Variants in ANK2 observed in about 807,000 individuals in gnomAD.
ANK2 encodes the protein ankyrin 2.
In ANK2, 83 loss-of-function variants were observed where a neutral mutation model predicts 360.5. The ratio of observed to expected loss-of-function variants is 0.23; its 90% CI spans 0.19 to 0.28. The LOEUF is 0.28. Among genes scored for constraint, ANK2 ranks in the 10% least tolerant of loss-of-function variants. The pLI is 1.00. For synonymous variants in ANK2, 1,740 were observed against 1,759.5 expected (o/e 0.99, Z 0.28); for missense variants, 4,201 against 4,795.7 (o/e 0.88, Z 3.66).
At position 113,374,782 on chromosome 4, in the gene ANK2, A is replaced by C. The variant is rs963430064; in HGVS notation, c.11859+1333A>C. 8.7e-6 allele frequency: 10 copies of C among 1,146,128 alleles called. No individual in the cohort carries two copies. In the African/African-American group the frequency reaches 1.1e-4, roughly 13 times the overall value. 71.0% of individuals were successfully genotyped at this position (1,146,128 alleles called of 1,614,324 possible). A position where few individuals can be genotyped will look rare whatever the true frequency, so the allele number is the denominator to read the frequency against. Reference sequence around the variant, plus strand: ...TCATTAGGTCACTTTGTGTGAGCCCAGCATTTTGTCCAGTACCTCACAATT... The same window carrying C: ...TCATTAGGTCACTTTGTGTGAGCCCCGCATTTTGTCCAGTACCTCACAATT... On this transcript the variant is annotated intron_variant, in intron 45 of 45. Transcript: ENST00000357077.
At chr4:112,738,991 T>C in the ANK2 span, 1 of 678,502 alleles carries the variant, frequency 1.5e-6, no homozygotes, top group Non-Finnish European at 2.6e-6. Context: ...AATCTTACTG[T>C]GCTGAGGTCG....
intron 1 of ANK2, chr4:113,071,953 G>A (rs1170992366): frequency 6.6e-6 from 1 of 152,224 alleles, no homozygotes; most frequent in Non-Finnish European, 1.5e-5. Flanking sequence ...CTGTGAAAGG[G>A]GGATGCCCCT....
Position 113,358,701 on chromosome 4 carries a change from CT to C in ANK2, c.10084del (p.Ser3362GlnfsTer3). 6.2e-7 allele frequency: 1 copy of C among 1,614,072 alleles called. No homozygotes were observed. The highest frequency in any genetic ancestry group is 8.5e-7 in the Non-Finnish European group (1 of 1,179,970). On this transcript the variant is annotated frameshift_variant, in exon 38 of 46. Coordinates refer to ENST00000357077, the MANE Select transcript of ANK2 (RefSeq NM_001148.6). LOFTEE classifies it high-confidence loss of function. ...CCCTCCAAAGAGTTGAACAGCAGCT[CT>C]CAGATCTAGACACCTCTGTCCAGAA... ...VPLQRVEQQL[S>X]DLDTSVQKTV...
At chr4:112,817,822 C>T (rs2055810095), upstream of ANK2, among the ~76,000 whole-genome samples, 1 of 152,092 alleles carries the variant, frequency 6.6e-6, no homozygotes, top group Admixed American at 6.6e-5. Flanking sequence ...AGTTACTTCC[C>T]ATATATCTGA....
At chr4:112,964,235 C>G (rs1043612043) in intron 2 of ANK2, among the ~76,000 whole-genome samples, 26 of 151,002 alleles carry the variant, frequency 1.7e-4, no homozygotes, top group African/African-American at 5.4e-4. Flanking sequence ...GTGTCACAAA[C>G]AATCCAAATA....
intron 18 of ANK2, among the ~76,000 whole-genome samples, chr4:113,286,429 A>G (rs2064631549): frequency 6.6e-6 from 1 of 152,222 alleles, no homozygotes; most frequent in African/African-American, 2.4e-5. Flanking sequence ...CTCACGTTGT[A>G]GAATGGTTTT....
At chr4:112,864,798 C>G (rs533707185) in intron 1 of ANK2, among the ~76,000 whole-genome samples, 1 of 150,202 alleles carries the variant, frequency 6.7e-6, no homozygotes, top group South Asian at 2.1e-4. Context: ...TTTGGGAGGC[C>G]GAGGCGGGCG....
intron 1 of ANK2, among the ~76,000 whole-genome samples, chr4:113,060,759 G>A (rs1264945338): frequency 7.4e-6 from 1 of 134,666 alleles, no homozygotes; most frequent in African/African-American, 2.8e-5. Flanking sequence ...TTTTTATGTA[G>A]TTGTTGACTA....
chr4:112,974,768 C>G (rs1011539000), intron 2 of ANK2, among the ~76,000 whole-genome samples: 7 of 151,510 alleles, frequency 4.6e-5, no homozygotes, highest in Admixed American at 6.6e-5. Context: ...AACTTGCATT[C>G]TTCATAGAAA....
chr4:113,325,027 G>A (rs905512675), intron 26 of ANK2, among the ~76,000 whole-genome samples: 2 of 152,090 alleles, frequency 1.3e-5, no homozygotes, highest in Admixed American at 6.5e-5. Context: ...CATAATAATG[G>A]TTGCTTTTGC....
chr4:113,229,484 A>G (rs536483331), intron 4 of ANK2, among the ~76,000 whole-genome samples: 2 of 152,326 alleles, frequency 1.3e-5, no homozygotes, highest in East Asian at 1.9e-4. Flanking sequence ...ACATCTACAG[A>G]GTTCCTTTTG....
chr4:113,337,204 G>C (rs1344263831), intron 31 of ANK2, among the ~76,000 whole-genome samples: 1 of 152,172 alleles, frequency 6.6e-6, no homozygotes, highest in Non-Finnish European at 1.5e-5. Flanking sequence ...AAAAAATACT[G>C]TCTTGAGTAA....
At chr4:112,843,644 A>G (rs2062654849) in intron 1 of ANK2, among the ~76,000 whole-genome samples, 1 of 152,192 alleles carries the variant, frequency 6.6e-6, no homozygotes, top group African/African-American at 2.4e-5. Context: ...ATTTTTCCCA[A>G]AATGAATGAA....
chr4:113,289,625 T>G (rs1246357187), intron 20 of ANK2, among the ~76,000 whole-genome samples: 3 of 152,228 alleles, frequency 2.0e-5, no homozygotes, highest in African/African-American at 7.2e-5. Flanking sequence ...TACAGAAGTT[T>G]TATAAGTCAG....
intron 1 of ANK2, among the ~76,000 whole-genome samples, chr4:113,138,836 A>G (rs1311054017): frequency 6.6e-6 from 1 of 152,222 alleles, no homozygotes; most frequent in Non-Finnish European, 1.5e-5. Flanking sequence ...TGAGTATACA[A>G]ACTGAACATA....
Position 113,255,896 on chromosome 4 carries a change from T to C in ANK2, c.1152T>C (p.Leu384=). The change falls in exon 11 of 46, where the codon CTT becomes CTC. Residue 384 remains leucine, a synonymous_variant. Transcript: ENST00000357077. ...HCGHYRVTKL[L]LDKRANPNAR... ...GCCACTACCGTGTAACCAAACTCCT[T>C]TTAGACAAGAGAGCCAATCCGAACG... 1.9e-6 allele frequency: 3 copies of C among 1,614,172 alleles called. No homozygotes were observed. The highest frequency in any genetic ancestry group is 2.5e-6 in the Non-Finnish European group (3 of 1,180,030).
At chr4:112,950,629 G>A (rs2094889641) in intron 2 of ANK2, among the ~76,000 whole-genome samples, 1 of 143,070 alleles carries the variant, frequency 7.0e-6, no homozygotes, top group Non-Finnish European at 1.5e-5. Flanking sequence ...GGGTGACAGA[G>A]CGAGACTCTG....
At chr4:113,191,494 T>TA (rs1453900720) in intron 2 of ANK2, among the ~76,000 whole-genome samples, 3 of 152,182 alleles carry the variant, frequency 2.0e-5, no homozygotes, top group African/African-American at 4.8e-5. Flanking sequence ...TCAAAATACT[T>TA]AAAAAAATAC....
At chr4:113,288,841 A>G (rs1182819805) in intron 20 of ANK2, among the ~76,000 whole-genome samples, 1 of 151,798 alleles carries the variant, frequency 6.6e-6, no homozygotes, top group African/African-American at 2.4e-5. Context: ...TTCTCCTCTC[A>G]TGAAGAAATA....
Sources: allele counts gnomAD v4.1 joint callset (sites outside exome capture counted in the v4.1 genomes callset), GRCh38; gene constraint gnomAD v4.1.1; transcripts MANE v1.5; gene names NCBI Gene and HGNC (gene_info 2026-07-23, HGNC 2026-07-21).